The following TANC2 variants were observed in gnomAD, a reference collection of about 807,000 sequenced individuals.
The protein encoded by TANC2 is tetratricopeptide repeat, ankyrin repeat and coiled-coil containing 2, also known as protein TANC2.
Under a neutral mutation model 210.5 loss-of-function variants are expected in TANC2, and 26 were observed. The ratio of observed to expected loss-of-function variants is 0.12; its 90% CI spans 0.09 to 0.17. The LOEUF is 0.17. Ranked by LOEUF, TANC2 falls within the 10% of genes least tolerant of loss-of-function variation. TANC2 has a pLI of 1.00. For missense variants in TANC2, 2,129 were observed against 2,608.9 expected (o/e 0.82, Z 4.01); for synonymous variants, 931 against 967.1 (o/e 0.96, Z 0.69).
At chr17:63,278,418 AATGAGATAGT>A (rs1452222814) in intron 9 of TANC2, among the ~76,000 whole-genome samples, 6 of 152,114 alleles carry the variant, frequency 3.9e-5, no homozygotes, top group African/African-American at 1.4e-4. Flanking sequence ...TCAAAACCAT[AATGAGATAGT>A]ACCTCACACC....
rs2045074533 is a variant in TANC2, at chr17:63,310,236, CAGGAGTTCG to C, written c.1160-4149_1160-4141del. Reference sequence around the variant, plus strand: ...CCAAGGCAGGTGGATCACTTAAGGTCAGGAGTTCGAGACCAGCCTGGCCAACATGGTGAA... The same window carrying C: ...CCAAGGCAGGTGGATCACTTAAGGTCAGACCAGCCTGGCCAACATGGTGAA... On this transcript the variant is annotated intron_variant, in intron 9 of 27. Coordinates refer to ENST00000689528, the Ensembl canonical transcript of TANC2. Among the ~76,000 whole-genome samples, 3 of 152,240 alleles carry C rather than the reference CAGGAGTTCG, an allele frequency of 2.0e-5. No homozygotes were observed. In the South Asian group the frequency reaches 6.2e-4, roughly 32 times the overall value.
At chr17:63,003,958 T>G (rs2033498700) in intron 1 of TANC2, among the ~76,000 whole-genome samples, 1 of 152,178 alleles carries the variant, frequency 6.6e-6, no homozygotes, top group Non-Finnish European at 1.5e-5. Flanking sequence ...AGTCATGGTA[T>G]TTCAGGCAGG....
chr17:63,286,043 T>C (rs2044210372), intron 9 of TANC2, among the ~76,000 whole-genome samples: 1 of 152,194 alleles, frequency 6.6e-6, no homozygotes, highest in Non-Finnish European at 1.5e-5. Flanking sequence ...TATTTCCATT[T>C]GTCCCCTCCC....
chr17:62,984,491 C>G (rs898669621), intron 1 of TANC2, among the ~76,000 whole-genome samples: 3 of 151,810 alleles, frequency 2.0e-5, no homozygotes, highest in African/African-American at 7.3e-5. Flanking sequence ...TTCTTTCCTT[C>G]TGTTAATTTT....
At chr17:63,384,351 C>T (rs1018869133) in intron 15 of TANC2, among the ~76,000 whole-genome samples, 1 of 152,036 alleles carries the variant, frequency 6.6e-6, no homozygotes, top group Non-Finnish European at 1.5e-5. Flanking sequence ...GGATTACCAC[C>T]ACTAATCTTA....
At chr17:63,227,449 GT>G (rs1598649199) in intron 7 of TANC2, among the ~76,000 whole-genome samples, 2 of 152,096 alleles carry the variant, frequency 1.3e-5, no homozygotes, top group South Asian at 2.1e-4. Context: ...AGGATTGTTT[GT>G]TTTTGTTTTA....
At chr17:63,014,572 C>T (rs1598255174) in intron 2 of TANC2, among the ~76,000 whole-genome samples, 1 of 152,010 alleles carries the variant, frequency 6.6e-6, no homozygotes, top group Non-Finnish European at 1.5e-5. Flanking sequence ...CTAATTTTTC[C>T]GAGTCTGTGT....
At chr17:63,015,545 C>T (rs1470476334) in intron 2 of TANC2, among the ~76,000 whole-genome samples, 2 of 151,932 alleles carry the variant, frequency 1.3e-5, no homozygotes, top group East Asian at 1.9e-4. Context: ...TCAATTCCCA[C>T]CTATGAGTGA....
exon 28 of TANC2, chr17:63,426,821 C>T (rs1484009268): frequency 1.3e-5 from 2 of 152,266 alleles, no homozygotes; most frequent in Non-Finnish European, 2.9e-5. Flanking sequence ...TTTTGTAGCA[C>T]TTGCTGGCTG....
At chr17:63,346,847 AG>A (rs2046427783) in intron 12 of TANC2, among the ~76,000 whole-genome samples, 1 of 151,636 alleles carries the variant, frequency 6.6e-6, no homozygotes, top group South Asian at 2.1e-4. Context: ...CGGGGGCTAC[AG>A]GCATACACCA....
At chr17:63,318,277 A>T (rs2045378066) in intron 10 of TANC2, among the ~76,000 whole-genome samples, 1 of 152,242 alleles carries the variant, frequency 6.6e-6, no homozygotes. Context: ...GTAACAATAA[A>T]TGTTCTAAAT....
intron 4 of TANC2, among the ~76,000 whole-genome samples, chr17:63,145,632 G>C (rs537993022): frequency 5.4e-4 from 82 of 152,074 alleles, no homozygotes; most frequent in African/African-American, 1.9e-3. Context: ...TGCATATTCA[G>C]TTTCCTCAAA....
intron 9 of TANC2, among the ~76,000 whole-genome samples, chr17:63,286,464 A>G (rs1185477140): frequency 6.6e-6 from 1 of 152,106 alleles, no homozygotes; most frequent in Non-Finnish European, 1.5e-5. Flanking sequence ...ATTATTTGTG[A>G]CAGGGAATCT....
chr17:63,425,492 T>C (rs181225588), exon 28 of TANC2: 8 of 152,348 alleles, frequency 5.3e-5, no homozygotes, highest in Admixed American at 4.6e-4. Context: ...TAATTTAATA[T>C]CCATAAGTAT....
At chr17:62,976,759 T>C (rs1187410316) in intron 1 of TANC2, among the ~76,000 whole-genome samples, 1 of 152,222 alleles carries the variant, frequency 6.6e-6, no homozygotes, top group African/African-American at 2.4e-5. Context: ...CAATTTAGCC[T>C]AAATACTTGC....
intron 12 of TANC2, among the ~76,000 whole-genome samples, chr17:63,341,834 A>G (rs563728654): frequency 9.8e-5 from 15 of 152,308 alleles, no homozygotes; most frequent in Admixed American, 3.3e-4. Context: ...TTAACTTTCA[A>G]TTCCTTGTTC....
At chr17:63,286,114 C>T (rs907215324) in intron 9 of TANC2, among the ~76,000 whole-genome samples, 1 of 152,172 alleles carries the variant, frequency 6.6e-6, no homozygotes, top group Non-Finnish European at 1.5e-5. Flanking sequence ...CCCCACAATA[C>T]AGCAGTTAGT....
chr17:63,025,290 C>A (rs1436797750), intron 2 of TANC2, among the ~76,000 whole-genome samples: 3 of 151,994 alleles, frequency 2.0e-5, no homozygotes, highest in Admixed American at 1.3e-4. Flanking sequence ...TAGGGATTCC[C>A]TACTAGAGTG....
At chr17:63,377,978 G>A (rs1039823176) in intron 14 of TANC2, among the ~76,000 whole-genome samples, 11 of 152,114 alleles carry the variant, frequency 7.2e-5, no homozygotes, top group African/African-American at 2.4e-4. Context: ...AGAACAGCAT[G>A]GGGTAAACCG....
Sources: allele counts gnomAD v4.1 joint callset (sites outside exome capture counted in the v4.1 genomes callset), GRCh38; gene constraint gnomAD v4.1.1; transcripts MANE v1.5; gene names NCBI Gene and HGNC (gene_info 2026-07-23, HGNC 2026-07-21).